Variants in PAEP observed in about 807,000 individuals in gnomAD.
PAEP encodes glycodelin.
Under a neutral mutation model 23.0 loss-of-function variants are expected in PAEP, and 28 were observed. The observed-to-expected ratio is 1.22, with a 90% confidence interval of 0.90 to 1.67. The LOEUF (loss-of-function observed/expected upper bound fraction) is 1.67. Among genes scored for constraint, PAEP ranks in the 40% most tolerant of loss-of-function variants. The probability of loss-of-function intolerance (pLI) is 0.00; values close to 1 mark genes in which losing one functional copy is unlikely to be tolerated. For synonymous variants in PAEP, 103 were observed against 92.4 expected (o/e 1.12, Z -0.66); for missense variants, 209 against 226.4 (o/e 0.92, Z 0.49).
At chr9:135,562,954 G>A in intron 3 of PAEP, 61 bp downstream of exon 3, 1 of 1,352,178 alleles carries the variant, frequency 7.4e-7, no homozygotes. Flanking sequence ...CGCTCTCCCA[G>A]AGGCGGCTCT....
chr9:135,563,843 A>T lies in PAEP; in HGVS notation c.311-401A>T, dbSNP rs191937212. On this transcript the variant is annotated intron_variant, in intron 3 of 6. Coordinates refer to ENST00000479141, the MANE Select transcript of PAEP (RefSeq NM_002571.4). Reference sequence around the variant, plus strand: ...TTGGGACTTGCCTCAGGCCTTTCTGACCCTGCTTGCCCTCCCCAGAATCGA... The same window carrying T: ...TTGGGACTTGCCTCAGGCCTTTCTGTCCCTGCTTGCCCTCCCCAGAATCGA... 7.5e-4 allele frequency among the ~76,000 whole-genome samples: 114 copies of T among 151,676 alleles called. 1 individual carries two copies. In the East Asian group the frequency reaches 0.017, roughly 23 times the overall value.
rs1364567473 is a variant in PAEP, at chr9:135,564,616, G to A, written c.421+262G>A. The A allele has an allele frequency of 1.4e-5, 8 of 588,988 alleles. No homozygotes were observed. The Admixed American group carries it at 5.1e-4, about 37-fold the overall frequency. The allele number at this position is 588,988 out of a possible 1,614,324, so 36.5% of individuals were successfully genotyped here. ...CCTCCCAGATTCAAGCGATTCTCGTGCCTCAGCCTCCAGAGTAGCTGGGAT... is the reference window on the plus strand; with the variant it reads ...CCTCCCAGATTCAAGCGATTCTCGTACCTCAGCCTCCAGAGTAGCTGGGAT... On this transcript the variant is annotated intron_variant, in intron 4 of 6. Coordinates refer to ENST00000479141, the MANE Select transcript of PAEP (RefSeq NM_002571.4).
intron 4 of PAEP, 40 bp from the exon 5 acceptor site, chr9:135,565,370 A>C: frequency 6.5e-7 from 1 of 1,529,786 alleles, no homozygotes. Flanking sequence ...GCTCTCATGG[A>C]AGCCCCAGGG....
At chr9:135,563,925 T>C (rs574589920) in intron 3 of PAEP, among the ~76,000 whole-genome samples, 1 of 152,274 alleles carries the variant, frequency 6.6e-6, no homozygotes, top group East Asian at 1.9e-4. Context: ...CCTGTTCCTG[T>C]GCCATCTCCC....
chr9:135,564,385 G>A, intron 4 of PAEP, 31 bp downstream of exon 4: 1 of 1,546,854 alleles, frequency 6.5e-7, no homozygotes, highest in South Asian at 1.2e-5. Context: ...GCTCAACGTG[G>A]GTGAGAGGCA....
chr9:135,564,641 T>A, intron 4 of PAEP: 1 of 533,762 alleles, frequency 1.9e-6, no homozygotes, highest in Non-Finnish European at 2.4e-6. Context: ...GTAGCTGGGA[T>A]TACAGGCGCA....
chr9:135,561,956 C>G, intron 1 of PAEP, 59 bp downstream of exon 1: 3 of 1,082,424 alleles, frequency 2.8e-6, no homozygotes, highest in Non-Finnish European at 4.1e-6. Context: ...GTGGGAGCTG[C>G]GGGCAGGCAG....
Position 135,565,427 on chromosome 9 carries a change from GACGATGAGATC to G in PAEP, c.441_451del (p.Asp148AlafsTer59). The G allele has an allele frequency of 6.2e-7, 1 of 1,614,112 alleles. No homozygotes were observed. Among genetic ancestry groups the G allele is most frequent in the Non-Finnish European group, 8.5e-7 (1 of 1,179,972 alleles). ...TTCCACAGCCAGAGTCCTGGTGGAG[GACGATGAGATC>G]ATGCAGGGATTCATCAGGGCTTTCA... On this transcript the variant is annotated frameshift_variant, in exon 5 of 7. Transcript: ENST00000479141. LOFTEE classifies it high-confidence loss of function.
Position 135,565,816 on chromosome 9 carries a change from G to T in PAEP, c.*15G>T. The T allele has an allele frequency of 6.2e-7, 1 of 1,614,038 alleles. No individual in the cohort carries two copies. ...GCCGTTTCTAGGTGAGCTCCTGCCT[G>T]GTCCTGCCTCCTGGGTAATGTATCA... On this transcript the variant is annotated intron_variant, in intron 6 of 6. Coordinates refer to ENST00000479141, the MANE Select transcript of PAEP (RefSeq NM_002571.4).
chr9:135,564,784 G>A (rs962045754), intron 4 of PAEP: 50 of 985,094 alleles, frequency 5.1e-5, no homozygotes, highest in African/African-American at 2.1e-4. Flanking sequence ...GATTACAGGC[G>A]TGAGCCACCA....
In PAEP at chr9:135,564,308, A is replaced by G. The variant is rs1320584784; in HGVS notation, c.375A>G (p.Leu125=). ...ACGACAATTTCCTGTTTCTCTGCCTACAGGACACCACCACCCCCATCCAGA... is the reference window on the plus strand; with the variant it reads ...ACGACAATTTCCTGTTTCTCTGCCTGCAGGACACCACCACCCCCATCCAGA... ...TDYDNFLFLC[L]QDTTTPIQSM... The change falls in exon 4 of 7, where the codon CTA becomes CTG. Residue 125 remains leucine (L), a synonymous_variant. Transcript: ENST00000479141. 2.6e-6 allele frequency: 4 copies of G among 1,552,554 alleles called. No individual in the cohort carries two copies. In the Admixed American group the frequency reaches 5.9e-5, roughly 23 times the overall value.
chr9:135,562,505 G>A lies in PAEP; in HGVS notation c.236+72G>A. ...CCCCTCAGGGGTCCAGGACTGGGTG[G>A]GTTGGGCGGAGCTGGACTTAGCCCC... On this transcript the variant is annotated intron_variant, in intron 2 of 6. Coordinates refer to ENST00000479141, the MANE Select transcript of PAEP (RefSeq NM_002571.4). 5 of 1,551,836 alleles carry A rather than the reference G, an allele frequency of 3.2e-6. No individual in the cohort carries two copies. The South Asian group carries it at 3.6e-5, about 11-fold the overall frequency.
At chr9:135,563,249 GATAT>G (rs1832399810) in intron 3 of PAEP, among the ~76,000 whole-genome samples, 1 of 150,206 alleles carries the variant, frequency 6.7e-6, no homozygotes, top group East Asian at 2.0e-4. Context: ...TGGGTAGGTG[GATAT>G]GTATACAGGT....
chr9:135,564,164 T>A, intron 3 of PAEP, 80 bp from the exon 4 acceptor site: 1 of 1,525,712 alleles, frequency 6.6e-7, no homozygotes, highest in Non-Finnish European at 8.8e-7. Context: ...CTTAGTGTGG[T>A]GGGATGTCCA....
chr9:135,563,270 G>T (rs1258171582), intron 3 of PAEP, among the ~76,000 whole-genome samples: 2 of 151,580 alleles, frequency 1.3e-5, no homozygotes, highest in Admixed American at 6.6e-5. Context: ...AGGTGGGCAG[G>T]AGGGTAGGTG....
At chr9:135,564,417 A>G in intron 4 of PAEP, 63 bp downstream of exon 4, 4 of 1,533,434 alleles carry the variant, frequency 2.6e-6, no homozygotes, top group Non-Finnish European at 3.5e-6. Flanking sequence ...CGTGGCTGGG[A>G]ACCCTGGGGA....
Position 135,564,178 on chromosome 9 carries a change from A to G in PAEP, c.311-66A>G. The G allele has an allele frequency of 1.4e-5, 22 of 1,541,690 alleles. 1 individual carries two copies. Among genetic ancestry groups the G allele is most frequent in the Non-Finnish European group, 1.9e-5 (22 of 1,141,804 alleles). On this transcript the variant is annotated intron_variant, in intron 3 of 6. Transcript: ENST00000479141. ...ACTTAGTGTGGTGGGATGTCCACAC[A>G]CCTGCACAGGACTCTGCTGAGACGG...
At chr9:135,564,753 C>T (rs1291868498) in intron 4 of PAEP, 3 of 955,826 alleles carry the variant, frequency 3.1e-6, no homozygotes, top group Non-Finnish European at 3.7e-6. Context: ...ATCCACCCGC[C>T]TTGGCCTCCC....
chr9:135,562,998 C>T, intron 3 of PAEP, 105 bp downstream of exon 3: 1 of 819,766 alleles, frequency 1.2e-6, no homozygotes, highest in Non-Finnish European at 2.1e-6. Context: ...CTGGCCTGTC[C>T]CCACTCTCTC....
Sources: allele counts gnomAD v4.1 joint callset (sites outside exome capture counted in the v4.1 genomes callset), GRCh38; gene constraint gnomAD v4.1.1; transcripts MANE v1.5; gene names NCBI Gene and HGNC (gene_info 2026-07-23, HGNC 2026-07-21).